ZNF600: variants seen among roughly 807,000 people sequenced by gnomAD.
ZNF600 encodes zinc finger protein KR-ZNF1.
In ZNF600, 4 loss-of-function variants were observed where a neutral mutation model predicts 7.3. The observed-to-expected ratio is 0.55, with a 90% CI of 0.27 to 1.25. The LOEUF is 1.25. Among genes scored for constraint, ZNF600 ranks in the 50% most tolerant of loss-of-function variants. The pLI, the probability that ZNF600 is intolerant of heterozygous loss-of-function variation, is 0.12. For missense variants in ZNF600, 911 were observed against 922.1 expected, an observed-to-expected ratio of 0.99 and a Z score of 0.16; for synonymous variants, 290 against 308.9, an observed-to-expected ratio of 0.94 and a Z score of 0.64.
the ZNF600 span, among the ~76,000 whole-genome samples, chr19:52,795,335 T>C: frequency 6.6e-6 from 1 of 152,166 alleles, no homozygotes; most frequent in African/African-American, 2.4e-5. Flanking sequence ...AAATCATTTA[T>C]CAGGTACCAG....
intron 1 of ZNF600, among the ~76,000 whole-genome samples, chr19:52,786,149 G>C (rs1186519464): frequency 6.6e-6 from 1 of 152,044 alleles, no homozygotes. Context: ...GCATTTTCCA[G>C]GGGGTGGAGC....
intron 3 of ZNF600, 124 bp downstream of exon 5, chr19:52,774,451 A>C (rs2062655961): frequency 1.1e-6 from 1 of 915,906 alleles, no homozygotes; most frequent in Non-Finnish European, 1.3e-6. Flanking sequence ...CAAAACAAAA[A>C]AACAACCAAA....
chr19:52,774,967 T>TGA (rs1568630029), intron 2 of ZNF600, among the ~76,000 whole-genome samples: 4 of 152,146 alleles, frequency 2.6e-5, no homozygotes, highest in Admixed American at 6.6e-5. Context: ...GGGCCAGGCA[T>TGA]GGTGGTTCAC....
chr19:52,791,336 G>A (rs2062790368), upstream of ZNF600, among the ~76,000 whole-genome samples: 2 of 152,192 alleles, frequency 1.3e-5, no homozygotes, highest in Admixed American at 6.5e-5. Flanking sequence ...CACAGGAGAT[G>A]GAATCTCAGA....
At chr19:52,809,936 G>A in the ZNF600 span, 1 of 857,862 alleles carries the variant, frequency 1.2e-6, no homozygotes, top group Non-Finnish European at 1.9e-6. Flanking sequence ...AGGCCGGGGA[G>A]GTTGCCCCGG....
At chr19:52,828,570 C>T in the ZNF600 span, among the ~76,000 whole-genome samples, 1 of 152,142 alleles carries the variant, frequency 6.6e-6, no homozygotes, top group Non-Finnish European at 1.5e-5. Context: ...TATATATACG[C>T]ATTTCCCTTA....
intron 3 of ZNF600, among the ~76,000 whole-genome samples, chr19:52,769,102 C>T (rs1460917169): frequency 6.6e-6 from 1 of 152,090 alleles, no homozygotes; most frequent in East Asian, 1.9e-4. Context: ...CCAAGCGGAC[C>T]ATGGTCTAGT....
the ZNF600 span, among the ~76,000 whole-genome samples, chr19:52,831,304 G>C: frequency 2.0e-5 from 3 of 151,936 alleles, no homozygotes; most frequent in East Asian, 5.8e-4. Context: ...ATAATGACAG[G>C]TTTTTTCTGT....
the ZNF600 span, chr19:52,801,827 A>C: frequency 1.1e-6 from 1 of 878,198 alleles, no homozygotes; most frequent in Non-Finnish European, 1.7e-6. Flanking sequence ...TTCAAAGTTT[A>C]AGAACACAAA....
the ZNF600 span, among the ~76,000 whole-genome samples, chr19:52,832,338 G>C: frequency 2.0e-5 from 3 of 152,140 alleles, no homozygotes; most frequent in Non-Finnish European, 4.4e-5. Flanking sequence ...GCTCAGGCTT[G>C]TAATCCCAGC....
the ZNF600 span, among the ~76,000 whole-genome samples, chr19:52,829,993 G>T: frequency 4.3e-4 from 65 of 152,292 alleles, no homozygotes; most frequent in African/African-American, 1.4e-3. Context: ...CCTGGAGGCA[G>T]CTGGGAACGG....
At chr19:52,786,762 C>G in exon 1 of ZNF600, 1 of 320,536 alleles carries the variant, frequency 3.1e-6, no homozygotes, top group Non-Finnish European at 6.5e-6. Context: ...TCCACGCGAT[C>G]CGCTTCCGGG....
At chr19:52,809,816 C>T in the ZNF600 span, 2 of 527,564 alleles carry the variant, frequency 3.8e-6, no homozygotes, top group Admixed American at 3.8e-5. Context: ...CCAGTCTGAG[C>T]GGCGAAGGCG....
At chr19:52,805,014 A>T in the ZNF600 span, 2 of 152,230 alleles carry the variant, frequency 1.3e-5, no homozygotes, top group Non-Finnish European at 2.9e-5. Flanking sequence ...CATGCCAGTA[A>T]TCCCAGCATT....
chr19:52,767,055 GTAAGGGATGATACCTGAC>G (rs760100530), exon 4 of ZNF600: 6 of 1,614,042 alleles, frequency 3.7e-6, no homozygotes, highest in Non-Finnish European at 5.1e-6. Flanking sequence ...ACGATGGCAT[GTAAGGGATGATACCTGAC>G]TGAAGGACTT....
At chr19:52,812,668 C>T in the ZNF600 span, among the ~76,000 whole-genome samples, 1 of 133,642 alleles carries the variant, frequency 7.5e-6, no homozygotes, top group Non-Finnish European at 1.6e-5. Flanking sequence ...AACCAGAGAC[C>T]TTTGTTCACT....
the ZNF600 span, among the ~76,000 whole-genome samples, chr19:52,823,828 C>T: frequency 1.2e-4 from 18 of 152,066 alleles, no homozygotes; most frequent in Admixed American, 2.6e-4. Context: ...TTTGGAAGGC[C>T]GAGGAGGACA....
At chr19:52,790,535 G>A (rs1600409733), upstream of ZNF600, among the ~76,000 whole-genome samples, 1 of 152,086 alleles carries the variant, frequency 6.6e-6, no homozygotes, top group African/African-American at 2.4e-5. Flanking sequence ...TTACCCACAT[G>A]TGGTGACCCA....
At chr19:52,829,457 C>A in the ZNF600 span, among the ~76,000 whole-genome samples, 1 of 149,656 alleles carries the variant, frequency 6.7e-6, no homozygotes, top group Non-Finnish European at 1.5e-5. Flanking sequence ...TCACTGTAAC[C>A]TCTGCCTCCT....
Sources: gnomAD v4.1 joint callset for allele counts (sites outside exome capture counted in the v4.1 genomes callset) on GRCh38, gnomAD v4.1.1 for gene constraint, MANE v1.5 for transcripts, NCBI Gene and HGNC (gene_info 2026-07-23, HGNC 2026-07-21) for gene names.